The following GRB14 variants were observed in gnomAD, a reference collection of about 807,000 sequenced individuals.
GRB14 encodes growth factor receptor-bound protein 14.
A neutral mutation model predicts 69.1 loss-of-function variants in GRB14; 38 were observed. That is an observed-to-expected ratio of 0.55 (90% CI 0.42 to 0.72). The LOEUF is 0.72. Ranked by LOEUF, GRB14 falls within the 30% of genes least tolerant of loss-of-function variation. The pLI, the probability that GRB14 is intolerant of heterozygous loss-of-function variation, is 0.00. For synonymous variants in GRB14, 247 were observed against 241.3 expected, an observed-to-expected ratio of 1.02 and a Z score of -0.22; for missense variants, 666 against 666.1, an observed-to-expected ratio of 1.00 and a Z score of 0.00.
chr2:164,558,948 C>A (rs1424463212), intron 2 of GRB14, among the ~76,000 whole-genome samples: 1 of 152,144 alleles, frequency 6.6e-6, no homozygotes, highest in African/African-American at 2.4e-5. Flanking sequence ...TAGGAACTAC[C>A]TTATTTCCTT....
intron 2 of GRB14, among the ~76,000 whole-genome samples, chr2:164,604,878 G>A (rs1435822227): frequency 6.6e-6 from 1 of 152,166 alleles, no homozygotes; most frequent in Non-Finnish European, 1.5e-5. Context: ...AATGGAGAAT[G>A]TCTATTCAAT....
At chr2:164,610,667 G>A (rs761014849) in intron 2 of GRB14, among the ~76,000 whole-genome samples, 15 of 151,840 alleles carry the variant, frequency 9.9e-5, no homozygotes, top group Non-Finnish European at 2.2e-4. Context: ...AATATAATTT[G>A]TTAAATTAGT....
chr2:164,560,906 C>T (rs1181586130), intron 2 of GRB14, among the ~76,000 whole-genome samples: 1 of 152,124 alleles, frequency 6.6e-6, no homozygotes, highest in East Asian at 1.9e-4. Context: ...TAATATCCTA[C>T]AGGGGTAGAA....
intron 8 of GRB14, among the ~76,000 whole-genome samples, chr2:164,506,974 G>C (rs1309933152): frequency 6.6e-6 from 1 of 152,116 alleles, no homozygotes; most frequent in Non-Finnish European, 1.5e-5. Flanking sequence ...TGTGGGAGTA[G>C]CTGCTTAATG....
chr2:164,536,734 G>A (rs1339459381), intron 3 of GRB14, among the ~76,000 whole-genome samples: 1 of 152,128 alleles, frequency 6.6e-6, no homozygotes, highest in African/African-American at 2.4e-5. Context: ...ACAACCTATG[G>A]ATGTACTATA....
intron 2 of GRB14, among the ~76,000 whole-genome samples, chr2:164,614,071 G>C (rs1690228215): frequency 6.6e-6 from 1 of 152,206 alleles, no homozygotes; most frequent in Non-Finnish European, 1.5e-5. Flanking sequence ...TGATTCTGAA[G>C]AAGGTGATTT....
chr2:164,513,533 G>A (rs529060593), intron 6 of GRB14, among the ~76,000 whole-genome samples: 1 of 152,172 alleles, frequency 6.6e-6, no homozygotes, highest in African/African-American at 2.4e-5. Context: ...GTCATAACTA[G>A]CCAAGACAGA....
intron 6 of GRB14, among the ~76,000 whole-genome samples, chr2:164,517,292 A>C (rs1000586414): frequency 5.3e-5 from 8 of 152,098 alleles, no homozygotes; most frequent in Non-Finnish European, 7.4e-5. Flanking sequence ...TGATTCAATT[A>C]TCTCCCGCCA....
chr2:164,618,800 G>GA (rs1558887535), intron 2 of GRB14, among the ~76,000 whole-genome samples: 1 of 152,142 alleles, frequency 6.6e-6, no homozygotes, highest in Non-Finnish European at 1.5e-5. Flanking sequence ...AATAGACGCG[G>GA]AAAAATGGCC....
chr2:164,571,444 G>A (rs1310095424), intron 2 of GRB14, among the ~76,000 whole-genome samples: 1 of 152,156 alleles, frequency 6.6e-6, no homozygotes, highest in Non-Finnish European at 1.5e-5. Context: ...ATTATAAGAT[G>A]TTTTTAACAC....
chr2:164,546,673 C>T (rs373235663), intron 3 of GRB14, among the ~76,000 whole-genome samples: 30 of 152,322 alleles, frequency 2.0e-4, no homozygotes, highest in African/African-American at 7.0e-4. Flanking sequence ...ACCTCTTACC[C>T]CATCTTGGGT....
intron 2 of GRB14, among the ~76,000 whole-genome samples, chr2:164,604,768 A>C (rs1181647019): frequency 6.6e-6 from 1 of 152,222 alleles, no homozygotes; most frequent in African/African-American, 2.4e-5. Context: ...GCAAAAGGTC[A>C]CATACTATAT....
chr2:164,525,330 T>C (rs372052487), intron 4 of GRB14, among the ~76,000 whole-genome samples: 4 of 152,182 alleles, frequency 2.6e-5, no homozygotes, highest in African/African-American at 9.6e-5. Flanking sequence ...TCTGGAGTTA[T>C]AAAACACTGC....
chr2:164,580,697 C>T (rs1689381186), intron 2 of GRB14, among the ~76,000 whole-genome samples: 1 of 122,438 alleles, frequency 8.2e-6, no homozygotes, highest in Non-Finnish European at 1.7e-5. Flanking sequence ...GAGCAAGACT[C>T]CATCTCAGGA....
intron 9 of GRB14, among the ~76,000 whole-genome samples, chr2:164,498,214 A>G (rs888539820): frequency 2.0e-5 from 3 of 152,216 alleles, no homozygotes; most frequent in Admixed American, 2.0e-4. Context: ...ACACTTGGCC[A>G]CATGAGGGCT....
intron 2 of GRB14, among the ~76,000 whole-genome samples, chr2:164,565,596 T>C (rs1688951096): frequency 3.9e-5 from 6 of 152,126 alleles, no homozygotes; most frequent in Admixed American, 3.9e-4. Context: ...AGTCTTCTCA[T>C]TTGAAAAAGT....
rs567715414 is a variant in GRB14 at position 164,547,717 on chromosome 2, G to A, written c.424C>T (p.His142Tyr). 3.7e-6 allele frequency: 6 copies of A among 1,613,756 alleles called. 1 individual carries two copies. The South Asian group carries it at 6.6e-5, about 18-fold the overall frequency. The change falls in exon 3 of 14, where the codon CAT becomes TAT. Residue 142 changes from histidine to tyrosine, a missense_variant. His to Tyr is a moderately conservative substitution (Grantham distance 83). Transcript: ENST00000263915. ...GTCCAGCTGTGGTCATCAATGTAAT[G>A]ATTCTTCAGGATCAACAGCTGACAA... ...DVCQLLILKNHYIDDHSWTLF... is the reference protein window; with the variant it reads ...DVCQLLILKNYYIDDHSWTLF...
chr2:164,505,226 T>C (rs1045911238), intron 8 of GRB14, among the ~76,000 whole-genome samples: 1 of 152,192 alleles, frequency 6.6e-6, no homozygotes, highest in East Asian at 1.9e-4. Context: ...GAAAGATGCC[T>C]TAAGAACAGT....
At chr2:164,597,383 A>G (rs1346657661) in intron 2 of GRB14, among the ~76,000 whole-genome samples, 1 of 152,206 alleles carries the variant, frequency 6.6e-6, no homozygotes, top group African/African-American at 2.4e-5. Context: ...ACTGCTAAGC[A>G]TTTCAAAATT....
Sources: gnomAD v4.1 joint callset for allele counts (sites outside exome capture counted in the v4.1 genomes callset) on GRCh38, gnomAD v4.1.1 for gene constraint, MANE v1.5 for transcripts, NCBI Gene and HGNC (gene_info 2026-07-23, HGNC 2026-07-21) for gene names.